Variants in PDE4DIP observed in about 807,000 individuals in gnomAD.
PDE4DIP encodes the protein phosphodiesterase 4D interacting protein, also known as myomegalin.
A neutral mutation model predicts 221.4 loss-of-function variants in PDE4DIP; 59 were observed. The observed-to-expected ratio is 0.27, with a 90% CI of 0.22 to 0.33. The LOEUF (loss-of-function observed/expected upper bound fraction) is 0.33. PDE4DIP is among the 10% of genes least tolerant of loss of function. The probability of loss-of-function intolerance (pLI) is 1.00; values close to 1 mark genes in which losing one functional copy is unlikely to be tolerated. For synonymous variants in PDE4DIP, 404 were observed against 815.9 expected (o/e 0.50, Z 8.60); for missense variants, 1,036 against 2,154.2 (o/e 0.48, Z 10.28).
chr1:149,030,132 T>C (rs1575700672), intron 42 of PDE4DIP, 100 bp from the exon 46 acceptor site: 2 of 1,022,268 alleles, frequency 2.0e-6, no homozygotes, highest in East Asian at 2.7e-5. Context: ...CCAAGCTGAA[T>C]AGCCAGAAAG....
intron 32 of PDE4DIP, 125 bp downstream of exon 35, chr1:149,012,901 G>A (rs1274420640): frequency 1.8e-6 from 1 of 550,460 alleles, no homozygotes; most frequent in Non-Finnish European, 3.2e-6. Flanking sequence ...GTAAGAGGGA[G>A]GGAAAGCTCT....
intron 30 of PDE4DIP, among the ~76,000 whole-genome samples, chr1:149,010,080 G>A (rs2152558410): frequency 6.6e-6 from 1 of 152,330 alleles, no homozygotes; most frequent in South Asian, 2.1e-4. Flanking sequence ...GACTCTGTCA[G>A]ATAGATCTTC....
At chr1:148,912,116 TG>T (rs1258391440) in intron 1 of PDE4DIP, among the ~76,000 whole-genome samples, 2 of 145,158 alleles carry the variant, frequency 1.4e-5, no homozygotes, top group African/African-American at 5.3e-5. Flanking sequence ...TTTGAAAGGA[TG>T]GGATGGAAAG....
chr1:148,889,848 G>A (rs372978033), exon 1 of PDE4DIP: 169 of 464,232 alleles, frequency 3.6e-4, no homozygotes, highest in South Asian at 3.6e-3. Context: ...CTGGAGGAGC[G>A]CATGCAACAG....
At chr1:148,915,088 T>C (rs1296170542) in intron 1 of PDE4DIP, among the ~76,000 whole-genome samples, 1 of 150,800 alleles carries the variant, frequency 6.6e-6, no homozygotes, top group Non-Finnish European at 1.5e-5. Flanking sequence ...GATGTGTAGA[T>C]GGATTGATAT....
At chr1:148,963,748 CTTTT>C (rs66921099) in intron 9 of PDE4DIP, among the ~76,000 whole-genome samples, 14 of 89,158 alleles carry the variant, frequency 1.6e-4, no homozygotes, top group Admixed American at 1.5e-3. Flanking sequence ...TTCTTTCCTT[CTTTT>C]TTTTTTTTTT....
Position 148,813,145 on chromosome 1 carries a change from AC to A in PDE4DIP, c.233+4409del, listed in dbSNP as rs587605069. Among the ~76,000 whole-genome samples, 196 of 65,682 alleles carry A rather than the reference AC, an allele frequency of 3.0e-3. 4 individuals are homozygous for A. Among genetic ancestry groups the A allele is most frequent in the African/African-American group, 8.1e-3 (186 of 22,952 alleles). 43.1% of individuals were successfully genotyped at this position (65,682 alleles called of 152,430 possible). On this transcript the variant is annotated intron_variant, in intron 1 of 45. Transcript: ENST00000524974. ...TAACACTAGGCATGCTTTTAAAGAA[AC>A]TGCCAAATCGTTTTCCAAAAGGGTT...
intron 14 of PDE4DIP, among the ~76,000 whole-genome samples, chr1:148,970,671 C>CG (rs2059048144): frequency 6.6e-6 from 1 of 152,136 alleles, no homozygotes; most frequent in East Asian, 1.9e-4. Flanking sequence ...GCTGCAGGTT[C>CG]GGGGACTGCA....
chr1:148,836,369 C>A (rs1396555971), intron 1 of PDE4DIP, among the ~76,000 whole-genome samples: 2 of 147,082 alleles, frequency 1.4e-5, no homozygotes, highest in Admixed American at 1.3e-4. Flanking sequence ...AATTCCCTGA[C>A]CCCTTGTGCC....
chr1:149,032,070 T>A (rs781895880), exon 44 of PDE4DIP: 1 of 1,609,108 alleles, frequency 6.2e-7, no homozygotes, highest in South Asian at 1.1e-5. Context: ...CCCCCTTTTG[T>A]GCAGCTACCT....
At chr1:148,890,580 T>TC (rs1391598984) in intron 1 of PDE4DIP, among the ~76,000 whole-genome samples, 9 of 118,648 alleles carry the variant, frequency 7.6e-5, no homozygotes, top group African/African-American at 2.8e-4. Flanking sequence ...ATGGTGAAAC[T>TC]CCATCTCTAC....
chr1:148,937,213 C>T (rs1241631006), intron 4 of PDE4DIP, among the ~76,000 whole-genome samples: 1 of 152,156 alleles, frequency 6.6e-6, no homozygotes, highest in African/African-American at 2.4e-5. Flanking sequence ...CATCATCATA[C>T]ATGCAGTATG....
chr1:148,898,767 C>T (rs2039993877), intron 1 of PDE4DIP, among the ~76,000 whole-genome samples: 1 of 95,368 alleles, frequency 1.0e-5, no homozygotes, highest in Admixed American at 1.1e-4. Flanking sequence ...CGTGATCCAC[C>T]CACTTCGGCC....
chr1:149,006,498 G>A (rs1406076436), intron 27 of PDE4DIP: 1 of 152,170 alleles, frequency 6.6e-6, no homozygotes, highest in African/African-American at 2.4e-5. Context: ...CAGGCATCAG[G>A]TGGTGGTTAA....
intron 5 of PDE4DIP, among the ~76,000 whole-genome samples, chr1:148,951,686 A>G (rs1328484328): frequency 1.3e-5 from 2 of 152,282 alleles, no homozygotes; most frequent in African/African-American, 4.8e-5. Flanking sequence ...CTCTTCTACT[A>G]TCTTCAAGAT....
exon 44 of PDE4DIP, chr1:149,032,501 G>A: frequency 2.9e-6 from 1 of 341,448 alleles, no homozygotes; most frequent in South Asian, 4.7e-5. Flanking sequence ...ACTACTCACA[G>A]ATCCACACCT....
intron 21 of PDE4DIP, chr1:148,985,936 A>G (rs2061837627): frequency 6.6e-6 from 1 of 152,182 alleles, no homozygotes; most frequent in Non-Finnish European, 1.5e-5. Flanking sequence ...TTTTACAATA[A>G]TCAAAGTCAT....
exon 30 of PDE4DIP, chr1:149,009,749 T>A: frequency 6.2e-7 from 1 of 1,612,974 alleles, no homozygotes; most frequent in Non-Finnish European, 8.5e-7. Flanking sequence ...AGTCAGCGAG[T>A]ACACACACTA....
At chr1:149,029,715 G>A in intron 41 of PDE4DIP, 72 bp from the exon 45 acceptor site, 1 of 775,640 alleles carries the variant, frequency 1.3e-6, no homozygotes, top group Non-Finnish European at 2.2e-6. Flanking sequence ...TCTTTGAATT[G>A]GAAAGAGCCA....
Sources: gnomAD v4.1 joint callset for allele counts (sites outside exome capture counted in the v4.1 genomes callset) on GRCh38, gnomAD v4.1.1 for gene constraint, MANE v1.5 for transcripts, NCBI Gene and HGNC (gene_info 2026-07-23, HGNC 2026-07-21) for gene names.